GSK3B: variants seen among roughly 807,000 people sequenced by gnomAD.
GSK3B encodes glycogen synthase kinase-3 beta.
In GSK3B, 15 loss-of-function variants were observed where a neutral mutation model predicts 56.4. The ratio of observed to expected loss-of-function variants is 0.27; its 90% CI spans 0.18 to 0.41. The LOEUF (loss-of-function observed/expected upper bound fraction) is 0.41, where lower values mean the gene tolerates loss of function less well. GSK3B is among the 10% of genes least tolerant of loss of function. The pLI, the probability that GSK3B is intolerant of heterozygous loss-of-function variation, is 1.00. For synonymous variants in GSK3B, 181 were observed against 188.9 expected (o/e 0.96, Z 0.34); for missense variants, 300 against 513.4 (o/e 0.58, Z 4.02).
Position 119,825,192 on chromosome 3 carries a change from T to A in GSK3B, c.*1596A>T, listed in dbSNP as rs978694516. On this transcript the variant is annotated 3_prime_UTR_variant, in exon 11 of 11. Coordinates refer to ENST00000264235, the MANE Select transcript of GSK3B (RefSeq NM_001146156.2). Reference sequence around the variant, plus strand: ...GATTCATAGGTCAAGTAATGGCCCATAAGCACCAAGGTGACTAAAGTTCAT... The same window carrying A: ...GATTCATAGGTCAAGTAATGGCCCAAAAGCACCAAGGTGACTAAAGTTCAT... 2 of 223,524 alleles carry A rather than the reference T, an allele frequency of 8.9e-6. No homozygotes were observed. The highest frequency in any genetic ancestry group is 4.5e-5 in the African/African-American group (2 of 44,850). 13.8% of individuals were successfully genotyped at this position (223,524 alleles called of 1,614,324 possible).
chr3:120,085,130 T>C (rs2107581290), intron 1 of GSK3B, among the ~76,000 whole-genome samples: 2 of 152,304 alleles, frequency 1.3e-5, no homozygotes, highest in South Asian at 4.1e-4. Flanking sequence ...GTGAGTAAAT[T>C]ACATTTTTTA....
chr3:120,045,209 G>T (rs2058093007), intron 1 of GSK3B, among the ~76,000 whole-genome samples: 1 of 152,198 alleles, frequency 6.6e-6, no homozygotes, highest in Non-Finnish European at 1.5e-5. Flanking sequence ...GGTTTAAAGA[G>T]AAAAGATTAT....
intron 1 of GSK3B, among the ~76,000 whole-genome samples, chr3:120,092,458 T>G (rs756055321): frequency 2.6e-5 from 4 of 152,186 alleles, no homozygotes; most frequent in Non-Finnish European, 4.4e-5. Flanking sequence ...CCAGAACATT[T>G]AACAGGTAAT....
chr3:119,883,103 C>G (rs2056397140), intron 7 of GSK3B, among the ~76,000 whole-genome samples: 2 of 152,168 alleles, frequency 1.3e-5, no homozygotes, highest in African/African-American at 4.8e-5. Flanking sequence ...ACATGGGAAA[C>G]AGAGATCCTA....
rs948218774 is a variant in GSK3B at position 120,094,025 on chromosome 3, A to C, written c.-591T>G. On this transcript the variant is annotated 5_prime_UTR_variant, in exon 1 of 11. Coordinates refer to ENST00000264235, the MANE Select transcript of GSK3B (RefSeq NM_001146156.2). ...CGAACTAGAGGGCGGCGGAGTCGCGAGTCAGTCAGAGGCGGGCGGTGGCGG... is the reference window on the plus strand; with the variant it reads ...CGAACTAGAGGGCGGCGGAGTCGCGCGTCAGTCAGAGGCGGGCGGTGGCGG... The C allele has an allele frequency of 9.1e-6, 2 of 220,904 alleles. No homozygotes were observed. Among genetic ancestry groups the C allele is most frequent in the African/African-American group, 4.5e-5 (2 of 44,196 alleles). The allele number at this position is 220,904 out of a possible 1,614,324, so 13.7% of individuals were successfully genotyped here.
At chr3:120,073,755 T>C (rs944925569) in intron 1 of GSK3B, among the ~76,000 whole-genome samples, 5 of 152,192 alleles carry the variant, frequency 3.3e-5, no homozygotes, top group Admixed American at 1.3e-4. Flanking sequence ...TTGCTGGCTG[T>C]GTAAGGCTCT....
At chr3:120,092,541 CTA>C (rs1454085268) in intron 1 of GSK3B, among the ~76,000 whole-genome samples, 1 of 152,166 alleles carries the variant, frequency 6.6e-6, no homozygotes, top group Non-Finnish European at 1.5e-5. Flanking sequence ...GTATTTGGCA[CTA>C]TGACAAAACA....
chr3:119,935,825 C>T (rs2056988365), intron 3 of GSK3B, among the ~76,000 whole-genome samples: 1 of 152,208 alleles, frequency 6.6e-6, no homozygotes, highest in Admixed American at 6.5e-5. Flanking sequence ...TGATCGATAT[C>T]CCTTATGAAT....
intron 2 of GSK3B, among the ~76,000 whole-genome samples, chr3:119,987,485 G>C (rs993918778): frequency 2.0e-5 from 3 of 152,120 alleles, no homozygotes; most frequent in African/African-American, 7.2e-5. Flanking sequence ...AAATTGTTTT[G>C]AAGGTTTAAG....
chr3:119,891,391 T>A (rs933357536), intron 7 of GSK3B, among the ~76,000 whole-genome samples: 16 of 152,056 alleles, frequency 1.1e-4, no homozygotes, highest in African/African-American at 3.6e-4. Context: ...TTAACAACTA[T>A]CCTATTTCAA....
chr3:119,882,155 G>GT (rs67933002), intron 7 of GSK3B, among the ~76,000 whole-genome samples: 14,274 of 144,282 alleles, frequency 0.099, 811 homozygotes, highest in Non-Finnish European at 0.13. Flanking sequence ...TACAATTCTT[G>GT]TTTTTTTTTT....
chr3:120,080,591 G>A (rs982351411), intron 1 of GSK3B, among the ~76,000 whole-genome samples: 5 of 152,096 alleles, frequency 3.3e-5, no homozygotes, highest in African/African-American at 1.2e-4. Context: ...AGCACCTTGG[G>A]AGGCCAAAGC....
chr3:120,002,608 G>C (rs777802312), intron 1 of GSK3B, among the ~76,000 whole-genome samples: 1 of 152,136 alleles, frequency 6.6e-6, no homozygotes, highest in Non-Finnish European at 1.5e-5. Context: ...AAAGTGCTGG[G>C]ATTACAGGCA....
chr3:119,954,597 T>C (rs1452813732), intron 2 of GSK3B, among the ~76,000 whole-genome samples: 2 of 152,186 alleles, frequency 1.3e-5, no homozygotes, highest in Non-Finnish European at 2.9e-5. Context: ...TCTCAACTTA[T>C]TTATAAAACA....
chr3:119,898,998 C>T (rs1014282195), intron 7 of GSK3B, among the ~76,000 whole-genome samples: 2 of 152,042 alleles, frequency 1.3e-5, no homozygotes, highest in African/African-American at 2.4e-5. Flanking sequence ...ATTACACAGG[C>T]CTTGTGACAT....
chr3:119,881,353 GA>G (rs1481324826), intron 7 of GSK3B, among the ~76,000 whole-genome samples: 1 of 152,158 alleles, frequency 6.6e-6, no homozygotes, highest in Non-Finnish European at 1.5e-5. Flanking sequence ...AGAGGATGTG[GA>G]AAAGGGGGCT....
chr3:119,866,172 T>C (rs1415551547), intron 8 of GSK3B, among the ~76,000 whole-genome samples: 1 of 152,084 alleles, frequency 6.6e-6, no homozygotes, highest in Admixed American at 6.5e-5. Context: ...AACTAGCTCA[T>C]CTGAATTATT....
At chr3:119,955,574 G>C (rs891631949) in intron 2 of GSK3B, among the ~76,000 whole-genome samples, 2 of 152,140 alleles carry the variant, frequency 1.3e-5, no homozygotes, top group African/African-American at 2.4e-5. Flanking sequence ...AATGGGGTCA[G>C]GTGGAAAGTC....
chr3:119,873,516 T>C (rs2056272894), intron 8 of GSK3B, among the ~76,000 whole-genome samples: 1 of 152,104 alleles, frequency 6.6e-6, no homozygotes, highest in African/African-American at 2.4e-5. Flanking sequence ...GGCAAAATGG[T>C]CTTCTCTTTG....
Sources: gnomAD v4.1 joint callset for allele counts (sites outside exome capture counted in the v4.1 genomes callset) on GRCh38, gnomAD v4.1.1 for gene constraint, MANE v1.5 for transcripts, NCBI Gene and HGNC (gene_info 2026-07-23, HGNC 2026-07-21) for gene names.